RALGPS2: variants seen among roughly 807,000 people sequenced by gnomAD.
RALGPS2 encodes Ral GEF with PH domain and SH3 binding motif 2.
In RALGPS2, 43 loss-of-function variants were observed where a neutral mutation model predicts 86.8. That is an observed-to-expected ratio of 0.50 (90% CI 0.39 to 0.64). The LOEUF (loss-of-function observed/expected upper bound fraction) is 0.64. Ranked by LOEUF, RALGPS2 falls within the 30% of genes least tolerant of loss-of-function variation. RALGPS2 has a pLI of 0.00. For missense variants in RALGPS2, 536 were observed against 694.6 expected (o/e 0.77, Z 2.57); for synonymous variants, 243 against 231.3 (o/e 1.05, Z -0.46).
intron 8 of RALGPS2, among the ~76,000 whole-genome samples, chr1:178,868,446 T>C (rs1658552939): frequency 6.6e-6 from 1 of 151,946 alleles, no homozygotes; most frequent in Non-Finnish European, 1.5e-5. Context: ...AAATAATATT[T>C]ACTATGAAAT....
At chr1:178,796,952 C>T (rs1312644154) in intron 4 of RALGPS2, among the ~76,000 whole-genome samples, 1 of 152,062 alleles carries the variant, frequency 6.6e-6, no homozygotes, top group Non-Finnish European at 1.5e-5. Context: ...TTTCTCTTTA[C>T]TACGTGATTT....
chr1:178,811,114 A>C (rs16853358), intron 5 of RALGPS2, among the ~76,000 whole-genome samples: 3,324 of 152,120 alleles, frequency 0.022, 140 homozygotes, highest in African/African-American at 0.076. Flanking sequence ...CCTACTTGGG[A>C]ATCTTCACTT....
At chr1:178,843,070 T>A (rs1262364041) in intron 8 of RALGPS2, among the ~76,000 whole-genome samples, 1 of 149,198 alleles carries the variant, frequency 6.7e-6, no homozygotes, top group African/African-American at 2.5e-5. Context: ...GTAAACTAGT[T>A]CAACCATTGT....
intron 19 of RALGPS2, among the ~76,000 whole-genome samples, chr1:178,909,020 G>T (rs903673189): frequency 6.6e-6 from 1 of 152,038 alleles, no homozygotes; most frequent in Non-Finnish European, 1.5e-5. Flanking sequence ...TATCTTTCAG[G>T]GTTTTTATAG....
rs375409240 is a variant in RALGPS2, at chr1:178,886,187, G to A, written c.1192+67G>A. The A allele has an allele frequency of 1.6e-5, 24 of 1,519,364 alleles. No homozygotes were observed. The East Asian group carries it at 4.7e-4, about 30-fold the overall frequency. 94.1% of individuals were successfully genotyped at this position (1,519,364 alleles called of 1,614,324 possible). On this transcript the variant is annotated intron_variant, in intron 13 of 19. Transcript: ENST00000367635. ...ATAAAAATGTTAATAAAACTTGGCT[G>A]GAAAAAAACCCCACCCACACACAGA...
At chr1:178,887,778 A>G (rs1659550547) in intron 13 of RALGPS2, among the ~76,000 whole-genome samples, 1 of 152,212 alleles carries the variant, frequency 6.6e-6, no homozygotes, top group African/African-American at 2.4e-5. Flanking sequence ...TTTTAAAAAG[A>G]AGGCAAGTTT....
Position 178,916,567 on chromosome 1 carries a change from CATGAACCATGCTTCTT to C in RALGPS2, c.*211_*226del, listed in dbSNP as rs1660823313. On this transcript the variant is annotated 3_prime_UTR_variant, in exon 20 of 20. Transcript: ENST00000367635. ...AAATTGGAGTTGCAAAACAAACTGC[CATGAACCATGCTTCTT>C]ATCTCAGAACTGACCTGTGGAAACC... The C allele has an allele frequency of 1.8e-6, 1 of 545,394 alleles. No homozygotes were observed. The highest frequency in any genetic ancestry group is 3.2e-6 in the Non-Finnish European group (1 of 313,618). The allele number at this position is 545,394 out of a possible 1,614,324, so 33.8% of individuals were successfully genotyped here. A position where few individuals can be genotyped will look rare whatever the true frequency, so the allele number is the denominator to read the frequency against.
At chr1:178,781,409 TAGG>T (rs750760994) in intron 2 of RALGPS2, among the ~76,000 whole-genome samples, 1 of 152,216 alleles carries the variant, frequency 6.6e-6, no homozygotes, top group Non-Finnish European at 1.5e-5. Flanking sequence ...TTTCCGTCAG[TAGG>T]AGAATTACAG....
intron 8 of RALGPS2, among the ~76,000 whole-genome samples, chr1:178,874,198 G>T (rs1187421824): frequency 6.6e-6 from 1 of 152,158 alleles, no homozygotes; most frequent in Admixed American, 6.5e-5. Flanking sequence ...AGTAGAGAAG[G>T]AACATACAGA....
chr1:178,817,090 T>C (rs1558132308), intron 6 of RALGPS2, among the ~76,000 whole-genome samples: 1 of 151,850 alleles, frequency 6.6e-6, no homozygotes, highest in Non-Finnish European at 1.5e-5. Context: ...CCAGGCACAG[T>C]GGCTCACACC....
chr1:178,896,182 A>G (rs1659929913), intron 16 of RALGPS2, among the ~76,000 whole-genome samples: 1 of 152,056 alleles, frequency 6.6e-6, no homozygotes, highest in Non-Finnish European at 1.5e-5. Flanking sequence ...TAAAATTACA[A>G]TCATCAGTGA....
At chr1:178,741,128 G>A (rs1050938883) in intron 1 of RALGPS2, among the ~76,000 whole-genome samples, 2 of 152,204 alleles carry the variant, frequency 1.3e-5, no homozygotes, top group African/African-American at 4.8e-5. Flanking sequence ...AACCTTGTGT[G>A]GGAGCTGTGT....
intron 1 of RALGPS2, among the ~76,000 whole-genome samples, chr1:178,742,744 C>G (rs1279765556): frequency 1.3e-5 from 2 of 152,160 alleles, no homozygotes; most frequent in Non-Finnish European, 2.9e-5. Flanking sequence ...GGGTTGAGAT[C>G]CTTCAAAATA....
At chr1:178,795,136 C>T (rs1026975488) in intron 4 of RALGPS2, among the ~76,000 whole-genome samples, 19 of 151,236 alleles carry the variant, frequency 1.3e-4, no homozygotes, top group African/African-American at 4.4e-4. Flanking sequence ...GCCGAGATTG[C>T]GCCACTGCAC....
At chr1:178,903,363 T>C (rs1558179766) in intron 18 of RALGPS2, among the ~76,000 whole-genome samples, 2 of 152,156 alleles carry the variant, frequency 1.3e-5, no homozygotes, top group Admixed American at 6.6e-5. Context: ...ACATTTTTTT[T>C]CCCATAAGTT....
intron 6 of RALGPS2, among the ~76,000 whole-genome samples, chr1:178,816,143 A>G (rs1655216832): frequency 6.6e-6 from 1 of 152,210 alleles, no homozygotes. Context: ...AGAAACTGCC[A>G]AATATTGTTA....
At chr1:178,821,380 G>A (rs1349851884) in intron 6 of RALGPS2, among the ~76,000 whole-genome samples, 1 of 152,130 alleles carries the variant, frequency 6.6e-6, no homozygotes, top group Non-Finnish European at 1.5e-5. Flanking sequence ...TCAACTAGAG[G>A]TAGATTTATT....
At chr1:178,728,303 A>G (rs1650141899) in intron 1 of RALGPS2, among the ~76,000 whole-genome samples, 1 of 151,982 alleles carries the variant, frequency 6.6e-6, no homozygotes, top group African/African-American at 2.4e-5. Flanking sequence ...TTTTTAAATA[A>G]CTTTTAAACC....
chr1:178,734,366 A>T (rs536883170), intron 1 of RALGPS2, among the ~76,000 whole-genome samples: 2 of 152,336 alleles, frequency 1.3e-5, no homozygotes, highest in African/African-American at 4.8e-5. Flanking sequence ...CAGCAGATAG[A>T]GGTAGAAAAC....
Sources: gnomAD v4.1 joint callset for allele counts (sites outside exome capture counted in the v4.1 genomes callset) on GRCh38, gnomAD v4.1.1 for gene constraint, MANE v1.5 for transcripts, NCBI Gene and HGNC (gene_info 2026-07-23, HGNC 2026-07-21) for gene names.